Variants in NRXN2 observed in about 807,000 individuals in gnomAD.
NRXN2 encodes the protein neurexin-2-beta.
NRXN2 carries 29 observed loss-of-function variants against 128.8 expected under a neutral mutation model. The observed-to-expected ratio is 0.23, with a 90% CI of 0.17 to 0.31. The LOEUF is 0.31. NRXN2 is among the 10% of genes least tolerant of loss of function. The pLI is 1.00. For missense variants in NRXN2, 1,881 were observed against 2,452.6 expected (o/e 0.77, Z 4.92); for synonymous variants, 1,098 against 1,075.2 (o/e 1.02, Z -0.41).
intron 17 of NRXN2, among the ~76,000 whole-genome samples, chr11:64,636,009 G>T (rs1446965331): frequency 6.6e-6 from 1 of 151,850 alleles, no homozygotes; most frequent in African/African-American, 2.4e-5. Context: ...GCTTGCCCAG[G>T]ACTCCCTGCT....
chr11:64,703,327 C>G (rs2055772401), intron 2 of NRXN2, among the ~76,000 whole-genome samples: 1 of 152,060 alleles, frequency 6.6e-6, no homozygotes, highest in African/African-American at 2.4e-5. Flanking sequence ...GTGCCTGGCT[C>G]TTTACGCCCA....
At chr11:64,684,333 C>T (rs375364798) in intron 6 of NRXN2, among the ~76,000 whole-genome samples, 2 of 152,108 alleles carry the variant, frequency 1.3e-5, no homozygotes, top group African/African-American at 4.8e-5. Context: ...GTAATGACAA[C>T]GCGGGACAGC....
intron 2 of NRXN2, among the ~76,000 whole-genome samples, chr11:64,702,263 G>T (rs2055573214): frequency 6.6e-6 from 1 of 152,116 alleles, no homozygotes; most frequent in African/African-American, 2.4e-5. Context: ...GGGAAGTGAG[G>T]AGCCCCTCTG....
intron 11 of NRXN2, among the ~76,000 whole-genome samples, chr11:64,657,388 T>C (rs571214190): frequency 1.4e-3 from 209 of 152,310 alleles, no homozygotes; most frequent in African/African-American, 4.9e-3. Flanking sequence ...AGTCTGTCCA[T>C]GCTATGTGGA....
At chr11:64,718,904 A>C (rs972860906) in intron 1 of NRXN2, among the ~76,000 whole-genome samples, 2 of 152,216 alleles carry the variant, frequency 1.3e-5, no homozygotes, top group Non-Finnish European at 2.9e-5. Context: ...AAGACAGCAC[A>C]GTGGTTAGAG....
intron 19 of NRXN2, among the ~76,000 whole-genome samples, chr11:64,627,155 C>G (rs889742294): frequency 6.6e-6 from 1 of 152,102 alleles, no homozygotes; most frequent in Admixed American, 6.5e-5. Flanking sequence ...CCACCTCATA[C>G]CACACCTATG....
intron 2 of NRXN2, among the ~76,000 whole-genome samples, chr11:64,711,379 C>G (rs2056869566): frequency 6.6e-6 from 1 of 152,204 alleles, no homozygotes; most frequent in African/African-American, 2.4e-5. Context: ...GGACGAGGGG[C>G]GGGGAGAGAC....
chr11:64,620,390 G>A lies in NRXN2; in HGVS notation c.4174-18C>T, dbSNP rs71579868. The stretch of plus-strand genomic sequence containing the variant: ...TCTGTGTTCTGAGGGGCGAGAGAAG[G>A]GGTGGGGAAAGAGAGGTTCCAGGCA... On this transcript the variant is annotated intron_variant, in intron 21 of 22. Coordinates refer to ENST00000265459, the MANE Select transcript of NRXN2 (RefSeq NM_015080.4). The A allele has an allele frequency of 1.6e-3, 2,543 of 1,548,186 alleles. 35 individuals are homozygous for A. The African/African-American group carries it at 0.027, about 16-fold the overall frequency.
At chr11:64,653,605 C>A (rs1591825964) in intron 12 of NRXN2, 91 bp downstream of exon 12, 1 of 1,285,044 alleles carries the variant, frequency 7.8e-7, no homozygotes, top group East Asian at 2.4e-5. Flanking sequence ...GCAATCACGG[C>A]TTCTCTTCCT....
At chr11:64,637,545 TCCACA>T (rs1297579341) in intron 17 of NRXN2, 1 of 152,228 alleles carries the variant, frequency 6.6e-6, no homozygotes, top group Non-Finnish European at 1.5e-5. Flanking sequence ...TCCTCCCCAC[TCCACA>T]CAAGATGCAC....
intron 6 of NRXN2, among the ~76,000 whole-genome samples, chr11:64,679,513 C>T (rs545167): frequency 1.3e-5 from 2 of 151,712 alleles, no homozygotes; most frequent in Non-Finnish European, 2.9e-5. Context: ...GGCGGGCGCC[C>T]GTAGTCCCAG....
chr11:64,642,845 G>A, intron 17 of NRXN2: 6 of 1,069,282 alleles, frequency 5.6e-6, no homozygotes, highest in African/African-American at 1.7e-5. Context: ...ATGGCCGGGG[G>A]CGGGGACGCG....
intron 1 of NRXN2, among the ~76,000 whole-genome samples, chr11:64,719,247 G>A (rs918789763): frequency 1.3e-5 from 2 of 152,146 alleles, no homozygotes; most frequent in African/African-American, 4.8e-5. Flanking sequence ...TATTATCACT[G>A]CCCCTTTTAC....
At chr11:64,646,068 C>A (rs563241048) in intron 17 of NRXN2, among the ~76,000 whole-genome samples, 2 of 152,256 alleles carry the variant, frequency 1.3e-5, no homozygotes, top group East Asian at 3.9e-4. Context: ...GGATTGGGTC[C>A]CACTCCCAAG....
chr11:64,713,552 T>C lies in NRXN2; in HGVS notation c.148A>G (p.Ser50Gly). ...CGCAGGCTGAAGCTGAGCTCGCCGCTGCTCGCCGCGCCCGCCCAGCGCGCG... is the reference window on the plus strand; with the variant it reads ...CGCAGGCTGAAGCTGAGCTCGCCGCCGCTCGCCGCGCCCGCCCAGCGCGCG... Reference protein sequence around the residue: ...RYARWAGAASSGELSFSLRTN... With the variant: ...RYARWAGAASGGELSFSLRTN... Residue 50 changes from serine (S) to glycine (G), a missense_variant, in exon 2 of 23, where the codon AGC becomes GGC. Around this residue, in one of 7 missense-constraint regions of NRXN2, gnomAD observed 997 missense variants for 1,240.8 expected, o/e 0.80. Transcript: ENST00000265459. The C allele has an allele frequency of 6.9e-7, 1 of 1,439,892 alleles. No homozygotes were observed. Among genetic ancestry groups the C allele is most frequent in the Non-Finnish European group, 9.1e-7 (1 of 1,096,470 alleles). The allele number at this position is 1,439,892 out of a possible 1,614,324, so 89.2% of individuals were successfully genotyped here.
chr11:64,635,544 C>T lies in NRXN2; in HGVS notation c.3404-92G>A. On this transcript the variant is annotated intron_variant, in intron 17 of 22. Transcript: ENST00000265459. The surrounding 1 kb of genome is among the most constrained non-coding windows in gnomAD (Gnocchi z 4.8). ...GGGTTGTGACCAGAGGGATGGAACC[C>T]CAGGTCTAGATGTGGGACTTCAGCT... The T allele has an allele frequency of 4.3e-6, 6 of 1,384,304 alleles. No homozygotes were observed. In the South Asian group the frequency reaches 7.3e-5, roughly 17 times the overall value. 85.8% of individuals were successfully genotyped at this position (1,384,304 alleles called of 1,614,324 possible). A position where few individuals can be genotyped will look rare whatever the true frequency, so the allele number is the denominator to read the frequency against.
In NRXN2 at chr11:64,630,287, A is replaced by G; in HGVS notation, c.3757+115T>C. The G allele has an allele frequency of 1.0e-6, 1 of 975,510 alleles. No individual in the cohort carries two copies. The highest frequency in any genetic ancestry group is 1.5e-6 in the Non-Finnish European group (1 of 683,796). 60.4% of individuals were successfully genotyped at this position (975,510 alleles called of 1,614,324 possible). A position where few individuals can be genotyped will look rare whatever the true frequency, so the allele number is the denominator to read the frequency against. ...CGTCTCTCCAGTAGCCCCGCCCCAG[A>G]GCCGCTTAGCCCCGCCCCAGAGCCG... On this transcript the variant is annotated intron_variant, in intron 19 of 22. Coordinates refer to ENST00000265459, the MANE Select transcript of NRXN2 (RefSeq NM_015080.4). This position sits in a 1 kb window ranked among gnomAD's most constrained non-coding sequence, Gnocchi z 4.6.
Position 64,631,637 on chromosome 11 carries a change from A to G in NRXN2, c.3586-1064T>C, listed in dbSNP as rs2043923723. On this transcript the variant is annotated intron_variant, in intron 18 of 22. Transcript: ENST00000265459. The surrounding 1 kb of genome is among the most constrained non-coding windows in gnomAD (Gnocchi z 4.8). ...ATAACATCTCAAAATCTTGCAGCTC[A>G]TGAGAAGGAAGCCCCAGATTTGAAC... Among the ~76,000 whole-genome samples, 1 of 152,164 alleles carries G rather than the reference A, an allele frequency of 6.6e-6. No individual in the cohort carries two copies. The highest frequency in any genetic ancestry group is 1.5e-5 in the Non-Finnish European group (1 of 68,014).
chr11:64,701,555 A>G (rs1565448725), intron 2 of NRXN2, among the ~76,000 whole-genome samples: 1 of 152,122 alleles, frequency 6.6e-6, no homozygotes, highest in Non-Finnish European at 1.5e-5. Flanking sequence ...CCTGGGCAAC[A>G]TAGGGAGACC....
Sources: allele counts gnomAD v4.1 joint callset (sites outside exome capture counted in the v4.1 genomes callset), GRCh38; gene constraint gnomAD v4.1.1; regional missense constraint gnomAD v4.1.1; non-coding constraint Gnocchi (gnomAD v3.1); transcripts MANE v1.5; gene names NCBI Gene and HGNC (gene_info 2026-07-23, HGNC 2026-07-21).